RIT2: variants seen among roughly 807,000 people sequenced by gnomAD.
The protein encoded by RIT2 is Ras like without CAAX 2.
RIT2 carries 24 observed loss-of-function variants against 23.7 expected under a neutral mutation model. The observed-to-expected ratio is 1.01, with a 90% CI of 0.73 to 1.43. The LOEUF is 1.43. Among genes scored for constraint, RIT2 ranks in the 40% most tolerant of loss-of-function variants. The pLI is 0.00. For missense variants in RIT2, 236 were observed against 266.9 expected (o/e 0.88, Z 0.81); for synonymous variants, 107 against 91.1 (o/e 1.17, Z -0.99).
intron 4 of RIT2, among the ~76,000 whole-genome samples, chr18:42,767,096 G>GAGA (rs1171481318): frequency 3.9e-5 from 6 of 152,372 alleles, no homozygotes; most frequent in African/African-American, 1.4e-4. Flanking sequence ...CCCCCACACA[G>GAGA]AGTCCCTACT....
At chr18:42,852,919 T>G (rs1384979663) in intron 4 of RIT2, among the ~76,000 whole-genome samples, 1 of 151,684 alleles carries the variant, frequency 6.6e-6, no homozygotes, top group Non-Finnish European at 1.5e-5. Context: ...CTGCAACCTC[T>G]GCCTCCCATG....
chr18:42,743,833 G>A (rs1000127986), intron 4 of RIT2, 113 bp from the exon 5 acceptor site: 27 of 737,006 alleles, frequency 3.7e-5, no homozygotes, highest in Admixed American at 3.4e-4. Context: ...CCAAGCCATC[G>A]TATCCCCTGT....
chr18:42,932,929 A>T (rs940336890), intron 3 of RIT2, among the ~76,000 whole-genome samples: 3 of 152,016 alleles, frequency 2.0e-5, no homozygotes, highest in Non-Finnish European at 2.9e-5. Context: ...ATCACTTATG[A>T]ACTTAAAAAA....
chr18:43,016,858 G>A (rs889582905), intron 2 of RIT2, among the ~76,000 whole-genome samples: 2 of 151,906 alleles, frequency 1.3e-5, no homozygotes, highest in Admixed American at 1.3e-4. Context: ...ATGTCAGAAT[G>A]TTGTCCTCCT....
chr18:42,995,348 T>C (rs1481739707), intron 2 of RIT2, among the ~76,000 whole-genome samples: 2 of 151,856 alleles, frequency 1.3e-5, no homozygotes, highest in African/African-American at 4.8e-5. Context: ...TTACTCAACA[T>C]GCCCTGAGTC....
chr18:43,092,639 A>G (rs1265436352), intron 1 of RIT2, among the ~76,000 whole-genome samples: 3 of 152,052 alleles, frequency 2.0e-5, no homozygotes, highest in Admixed American at 6.6e-5. Flanking sequence ...TGAGAGGACC[A>G]TGGTTGCCAA....
chr18:43,043,857 G>A (rs1237981057), intron 1 of RIT2, among the ~76,000 whole-genome samples: 1 of 151,996 alleles, frequency 6.6e-6, no homozygotes, highest in East Asian at 1.9e-4. Flanking sequence ...AAGAAAGCAG[G>A]GAGAGTGTTC....
intron 4 of RIT2, among the ~76,000 whole-genome samples, chr18:42,769,781 A>C (rs938248538): frequency 1.3e-5 from 2 of 151,014 alleles, no homozygotes; most frequent in African/African-American, 4.9e-5. Flanking sequence ...GAATTGCAAG[A>C]TATACCACCA....
At chr18:43,003,107 G>A (rs1164091051) in intron 2 of RIT2, among the ~76,000 whole-genome samples, 1 of 151,890 alleles carries the variant, frequency 6.6e-6, no homozygotes, top group Non-Finnish European at 1.5e-5. Flanking sequence ...CAGGCTGGCT[G>A]GTACCTTGAT....
At chr18:43,105,481 G>GGAGGGAGA (rs1913793842) in intron 1 of RIT2, among the ~76,000 whole-genome samples, 1 of 118,298 alleles carries the variant, frequency 8.5e-6, no homozygotes, top group Non-Finnish European at 1.9e-5. Context: ...AGAGAGGAAG[G>GGAGGGAGA]GAGGAAGGGA....
chr18:42,752,969 G>A (rs1913081259), intron 4 of RIT2, among the ~76,000 whole-genome samples: 1 of 152,142 alleles, frequency 6.6e-6, no homozygotes, highest in African/African-American at 2.4e-5. Flanking sequence ...ACCCAGGGGT[G>A]CCATCTTTTT....
chr18:42,861,054 C>G (rs1273290172), intron 4 of RIT2, among the ~76,000 whole-genome samples: 2 of 152,156 alleles, frequency 1.3e-5, no homozygotes, highest in East Asian at 3.8e-4. Flanking sequence ...TTGTTTATAA[C>G]AGACCTGATC....
intron 2 of RIT2, among the ~76,000 whole-genome samples, chr18:43,010,955 T>G (rs1408218181): frequency 6.6e-6 from 1 of 151,694 alleles, no homozygotes; most frequent in East Asian, 1.9e-4. Flanking sequence ...GGGACCTAAA[T>G]AGGTAGAAAG....
intron 2 of RIT2, among the ~76,000 whole-genome samples, chr18:42,990,915 T>TTG (rs200538874): frequency 3.2e-4 from 47 of 148,310 alleles, no homozygotes; most frequent in East Asian, 9.8e-4. Context: ...TGGTTTTGTT[T>TTG]TTTTTTTTTT....
At chr18:42,808,608 G>A (rs182809343) in intron 4 of RIT2, among the ~76,000 whole-genome samples, 1 of 151,730 alleles carries the variant, frequency 6.6e-6, no homozygotes, top group Non-Finnish European at 1.5e-5. Flanking sequence ...AAGAGGGAAA[G>A]GCATAGTTAA....
intron 4 of RIT2, among the ~76,000 whole-genome samples, chr18:42,878,971 T>C (rs761054978): frequency 3.9e-5 from 6 of 152,136 alleles, no homozygotes; most frequent in Non-Finnish European, 7.4e-5. Context: ...CCCTAGGGTT[T>C]ACAACTATTT....
At chr18:42,850,838 T>C (rs1907036170) in intron 4 of RIT2, among the ~76,000 whole-genome samples, 2 of 152,148 alleles carry the variant, frequency 1.3e-5, no homozygotes. Context: ...TTCTTATACC[T>C]AGTGATCTCA....
chr18:42,831,174 ATAGT>A (rs919122051), intron 4 of RIT2, among the ~76,000 whole-genome samples: 54 of 152,196 alleles, frequency 3.5e-4, no homozygotes, highest in Non-Finnish European at 6.2e-4. Context: ...AGTGTGCTTG[ATAGT>A]TAGTTCTTTT....
At chr18:42,880,350 T>C (rs1043483010) in intron 4 of RIT2, among the ~76,000 whole-genome samples, 11 of 152,166 alleles carry the variant, frequency 7.2e-5, no homozygotes, top group Non-Finnish European at 2.9e-5. Flanking sequence ...TTCTGTTTTC[T>C]TGATTTTTGT....
Sources: allele counts gnomAD v4.1 joint callset (sites outside exome capture counted in the v4.1 genomes callset), GRCh38; gene constraint gnomAD v4.1.1; transcripts MANE v1.5; gene names NCBI Gene and HGNC (gene_info 2026-07-23, HGNC 2026-07-21).